NPEPPS: variants seen among roughly 807,000 people sequenced by gnomAD.
NPEPPS encodes the protein puromycin-sensitive aminopeptidase.
In NPEPPS, 14 loss-of-function variants were observed where a neutral mutation model predicts 115.5. The ratio of observed to expected loss-of-function variants is 0.12; its 90% CI spans 0.08 to 0.19. NPEPPS has a LOEUF of 0.19. Among genes scored for constraint, NPEPPS ranks in the 10% least tolerant of loss-of-function variants. The pLI, the probability that NPEPPS is intolerant of heterozygous loss-of-function variation, is 1.00. For synonymous variants in NPEPPS, 285 were observed against 390.6 expected (o/e 0.73, Z 3.19); for missense variants, 523 against 1,110.8 (o/e 0.47, Z 7.52).
chr17:47,615,179 G>A (rs1236559721), intron 19 of NPEPPS, among the ~76,000 whole-genome samples: 1 of 148,944 alleles, frequency 6.7e-6, no homozygotes, highest in Non-Finnish European at 1.5e-5. Flanking sequence ...CCGGGTTCAC[G>A]TGATTCTCCT....
intron 2 of NPEPPS, among the ~76,000 whole-genome samples, chr17:47,555,121 A>G (rs1909914948): frequency 6.6e-6 from 1 of 152,078 alleles, no homozygotes; most frequent in African/African-American, 2.4e-5. Context: ...ATGGGTAACA[A>G]AATTATTTCG....
intron 17 of NPEPPS, 68 bp from the exon 18 acceptor site, chr17:47,612,392 T>C (rs145372019): frequency 8.2e-5 from 126 of 1,532,266 alleles, no homozygotes; most frequent in Non-Finnish European, 1.1e-4. Flanking sequence ...TTATAAGATA[T>C]CCAAATGGCA....
chr17:47,538,146 G>A (rs1002186718), intron 1 of NPEPPS, among the ~76,000 whole-genome samples: 2 of 148,254 alleles, frequency 1.3e-5, no homozygotes, highest in South Asian at 2.2e-4. Flanking sequence ...GCCTGCCTCC[G>A]CCTGCCAAAG....
intron 9 of NPEPPS, among the ~76,000 whole-genome samples, chr17:47,587,817 TG>T (rs1391198757): frequency 5.9e-5 from 9 of 151,834 alleles, no homozygotes; most frequent in African/African-American, 2.2e-4. Context: ...TGAAATTTAA[TG>T]AAATAAAAGT....
chr17:47,601,783 A>T (rs1176641871), intron 15 of NPEPPS, 36 bp downstream of exon 15: 6 of 1,591,930 alleles, frequency 3.8e-6, no homozygotes, highest in Non-Finnish European at 5.1e-6. Context: ...GATTTCTCTC[A>T]CTTATACATT....
At chr17:47,580,245 G>A (rs1277500811) in intron 4 of NPEPPS, 2 of 152,088 alleles carry the variant, frequency 1.3e-5, no homozygotes, top group Non-Finnish European at 1.5e-5. Flanking sequence ...TTTACCTGAT[G>A]TATCTTCTCT....
intron 13 of NPEPPS, 42 bp from the exon 14 acceptor site, chr17:47,599,634 G>A (rs957590258): frequency 6.6e-6 from 10 of 1,512,466 alleles, no homozygotes; most frequent in African/African-American, 1.4e-5. Flanking sequence ...CAAAACCCCA[G>A]ATGGTGTCAG....
chr17:47,600,169 C>T (rs1913105525), intron 14 of NPEPPS, among the ~76,000 whole-genome samples: 3 of 152,142 alleles, frequency 2.0e-5, no homozygotes, highest in Admixed American at 2.0e-4. Flanking sequence ...CACAGTGGTT[C>T]ACGCCTGTAG....
At chr17:47,597,905 C>T (rs908169940) in intron 13 of NPEPPS, among the ~76,000 whole-genome samples, 1 of 152,184 alleles carries the variant, frequency 6.6e-6, no homozygotes, top group African/African-American at 2.4e-5. Context: ...GAGGACCTCT[C>T]AGTTAGATTG....
chr17:47,619,646 G>A (rs1234380647), intron 21 of NPEPPS, 91 bp from the exon 22 acceptor site: 36 of 1,025,566 alleles, frequency 3.5e-5, no homozygotes, highest in Admixed American at 1.6e-4. Flanking sequence ...ACTGAAGTTG[G>A]CAGAGAACAG....
chr17:47,579,659 G>T, intron 4 of NPEPPS, 148 bp downstream of exon 4: 1 of 551,066 alleles, frequency 1.8e-6, no homozygotes, highest in Non-Finnish European at 3.3e-6. Flanking sequence ...TTTATATTTA[G>T]CCATTATCTC....
intron 17 of NPEPPS, among the ~76,000 whole-genome samples, chr17:47,610,660 G>T (rs991795969): frequency 6.6e-6 from 1 of 151,742 alleles, no homozygotes; most frequent in Non-Finnish European, 1.5e-5. Context: ...GGGATTACAG[G>T]CGTGAACCAC....
At chr17:47,605,755 C>T (rs755820214) in intron 17 of NPEPPS, among the ~76,000 whole-genome samples, 6 of 151,968 alleles carry the variant, frequency 3.9e-5, no homozygotes, top group Non-Finnish European at 7.4e-5. Context: ...TATGTGTGTT[C>T]GATGCTAAAT....
At chr17:47,585,847 C>A in intron 6 of NPEPPS, 147 bp downstream of exon 6, 1 of 695,162 alleles carries the variant, frequency 1.4e-6, no homozygotes, top group Non-Finnish European at 2.4e-6. Flanking sequence ...TTAGGAAATG[C>A]CAACCTTGGT....
chr17:47,620,870 T>C (rs912027608), intron 22 of NPEPPS, among the ~76,000 whole-genome samples: 1 of 152,182 alleles, frequency 6.6e-6, no homozygotes, highest in Non-Finnish European at 1.5e-5. Context: ...AGCATTGTGA[T>C]AAATTGTAAA....
intron 13 of NPEPPS, among the ~76,000 whole-genome samples, chr17:47,598,265 G>C (rs984764947): frequency 3.3e-5 from 5 of 151,976 alleles, no homozygotes; most frequent in African/African-American, 9.7e-5. Flanking sequence ...TTGAGCTCAG[G>C]AGTTCAAGAC....
chr17:47,572,700 A>T (rs1476071294), intron 3 of NPEPPS, among the ~76,000 whole-genome samples: 3 of 152,204 alleles, frequency 2.0e-5, no homozygotes, highest in Non-Finnish European at 2.9e-5. Flanking sequence ...AAAACAGAAA[A>T]ATAGATTTGA....
intron 11 of NPEPPS, 58 bp downstream of exon 11, chr17:47,592,118 T>A (rs1169872303): frequency 7.2e-6 from 7 of 978,818 alleles, no homozygotes; most frequent in Non-Finnish European, 1.1e-5. Flanking sequence ...GAGTTTTGCA[T>A]GAAAAAAAGT....
At chr17:47,546,634 G>A (rs1167404556) in intron 2 of NPEPPS, among the ~76,000 whole-genome samples, 1 of 152,068 alleles carries the variant, frequency 6.6e-6, no homozygotes, top group Non-Finnish European at 1.5e-5. Context: ...TGCCTCGTGG[G>A]TTCAAGCAGT....
Sources: allele counts gnomAD v4.1 joint callset (sites outside exome capture counted in the v4.1 genomes callset), GRCh38; gene constraint gnomAD v4.1.1; transcripts MANE v1.5; gene names NCBI Gene and HGNC (gene_info 2026-07-23, HGNC 2026-07-21).